The following ABLIM3 variants were observed in gnomAD, a reference collection of about 807,000 sequenced individuals.
ABLIM3 encodes actin-binding LIM protein 3.
Under a neutral mutation model 109.5 loss-of-function variants are expected in ABLIM3, and 61 were observed. The observed-to-expected ratio is 0.56, with a 90% CI of 0.45 to 0.69. The LOEUF (loss-of-function observed/expected upper bound fraction) is 0.69, where lower values mean the gene tolerates loss of function less well. Among genes scored for constraint, ABLIM3 ranks in the 30% least tolerant of loss-of-function variants. The pLI is 0.00. For missense variants in ABLIM3, 796 were observed against 889.5 expected, an observed-to-expected ratio of 0.89 and a Z score of 1.34; for synonymous variants, 300 against 324.8, an observed-to-expected ratio of 0.92 and a Z score of 0.82.
chr5:149,224,857 A>G (rs899526476), intron 8 of ABLIM3, among the ~76,000 whole-genome samples: 7 of 152,242 alleles, frequency 4.6e-5, no homozygotes, highest in African/African-American at 9.6e-5. Flanking sequence ...AGGCACAGAG[A>G]GGCAACTGAC....
rs992037476 is a variant in ABLIM3 at position 149,242,543 on chromosome 5, G to A, written c.1351+5G>A. 24 of 1,613,958 alleles carry A rather than the reference G, an allele frequency of 1.5e-5. No homozygotes were observed. In the African/African-American group the frequency reaches 2.8e-4, roughly 19 times the overall value. On this transcript the variant is annotated splice_donor_5th_base_variant and intron_variant, in intron 15 of 23. Coordinates refer to ENST00000309868, the MANE Select transcript of ABLIM3 (RefSeq NM_014945.5). Reference sequence around the variant, plus strand: ...CCCCGATCTACAAACGGCATGGTATGGTCAGAGGTAGATAGGGCTTGGCCA... The same window carrying A: ...CCCCGATCTACAAACGGCATGGTATAGTCAGAGGTAGATAGGGCTTGGCCA...
chr5:149,169,371 C>G (rs1355303358), intron 2 of ABLIM3, among the ~76,000 whole-genome samples: 1 of 152,068 alleles, frequency 6.6e-6, no homozygotes, highest in Non-Finnish European at 1.5e-5. Flanking sequence ...ATCATGGACT[C>G]CAGGGCTGCA....
rs909780038 is a variant in ABLIM3 at position 149,209,959 on chromosome 5, C to G, written c.576-767C>G. Among the ~76,000 whole-genome samples the G allele has an allele frequency of 5.6e-4, 82 of 147,090 alleles. 1 individual carries two copies. The highest frequency in any genetic ancestry group is 1.8e-3 in the African/African-American group (72 of 38,956). On this transcript the variant is annotated intron_variant, in intron 6 of 23. Transcript: ENST00000309868. ...TCTCTCAGTGTCTGAGCCAAGTTCT[C>G]TTACACCCAAAAGTGAAAGAAATGT...
chr5:149,206,857 C>G (rs1237269226), intron 5 of ABLIM3, 151 bp from the exon 6 acceptor site: 4 of 1,048,936 alleles, frequency 3.8e-6, no homozygotes, highest in African/African-American at 3.6e-5. Flanking sequence ...TTTCTCTCCC[C>G]TGGGAGAGCC....
At chr5:149,233,080 G>C in intron 9 of ABLIM3, 149 bp from the exon 10 acceptor site, 2 of 705,944 alleles carry the variant, frequency 2.8e-6, no homozygotes, top group Non-Finnish European at 2.4e-6. Context: ...ACCTTGACTT[G>C]AAAGACAGAG....
At chr5:149,166,569 T>C (rs1581025948) in intron 2 of ABLIM3, among the ~76,000 whole-genome samples, 1 of 152,326 alleles carries the variant, frequency 6.6e-6, no homozygotes, top group Non-Finnish European at 1.5e-5. Flanking sequence ...CTAGTGGTCT[T>C]TTTACCCCAC....
chr5:149,178,567 T>A (rs530418108), intron 2 of ABLIM3, among the ~76,000 whole-genome samples: 1 of 152,192 alleles, frequency 6.6e-6, no homozygotes, highest in Non-Finnish European at 1.5e-5. Flanking sequence ...TTAAAGACAC[T>A]CTATTAAAAT....
intron 2 of ABLIM3, among the ~76,000 whole-genome samples, chr5:149,150,231 A>G (rs1034139358): frequency 6.6e-6 from 1 of 152,136 alleles, no homozygotes; most frequent in African/African-American, 2.4e-5. Flanking sequence ...GGGCATGATG[A>G]CCTTCCTCTG....
rs1392658680 is a variant in ABLIM3, at chr5:149,259,741, C to G, written c.*1337C>G. 2 of 753,812 alleles carry G rather than the reference C, an allele frequency of 2.7e-6. No homozygotes were observed. The highest frequency in any genetic ancestry group is 3.5e-5 in the African/African-American group (2 of 57,210). 46.7% of individuals were successfully genotyped at this position (753,812 alleles called of 1,614,324 possible). On this transcript the variant is annotated 3_prime_UTR_variant, in exon 24 of 24. Coordinates refer to ENST00000309868, the MANE Select transcript of ABLIM3 (RefSeq NM_014945.5). ...TAATGTTTGGTGGGGGCTGTTCCTT[C>G]TTGGAGAAGCCTTGAGTCGGACCAT...
intron 8 of ABLIM3, among the ~76,000 whole-genome samples, chr5:149,225,222 A>ATGT (rs1361712036): frequency 7.0e-6 from 1 of 143,118 alleles, no homozygotes; most frequent in Non-Finnish European, 1.6e-5. Context: ...TGCATTCACA[A>ATGT]TGTTGTACAA....
At chr5:149,171,100 T>C (rs111402729) in intron 2 of ABLIM3, among the ~76,000 whole-genome samples, 118 of 152,290 alleles carry the variant, frequency 7.7e-4, no homozygotes, top group Middle Eastern at 3.4e-3. Context: ...TAGCTATTTG[T>C]GGGTATAATT....
chr5:149,172,855 A>C (rs1581042305), intron 2 of ABLIM3, among the ~76,000 whole-genome samples: 1 of 152,248 alleles, frequency 6.6e-6, no homozygotes, highest in East Asian at 1.9e-4. Flanking sequence ...AACCGAAAGG[A>C]AACAGAGATG....
intron 8 of ABLIM3, among the ~76,000 whole-genome samples, chr5:149,227,732 T>C (rs985729469): frequency 2.6e-5 from 4 of 152,220 alleles, no homozygotes; most frequent in African/African-American, 7.2e-5. Flanking sequence ...AATATGTTTG[T>C]AGACTCAGTC....
rs1304443138 is a variant in ABLIM3 at position 149,141,511 on chromosome 5, C to T, written c.-231C>T. ...CGGCCGCGCCCCCTGCGCTGCCAAC[C>T]CGCGAGCCCGCATCATGGATGTCGA... On this transcript the variant is annotated 5_prime_UTR_variant, in exon 1 of 24. Coordinates refer to ENST00000309868, the MANE Select transcript of ABLIM3 (RefSeq NM_014945.5). The T allele has an allele frequency of 1.3e-5, 2 of 152,848 alleles. No individual in the cohort carries two copies. The highest frequency in any genetic ancestry group is 2.1e-4 in the South Asian group (1 of 4,844). 9.5% of individuals were successfully genotyped at this position (152,848 alleles called of 1,614,324 possible).
chr5:149,174,403 C>T (rs963361274), intron 2 of ABLIM3: 2 of 152,218 alleles, frequency 1.3e-5, no homozygotes, highest in Non-Finnish European at 2.9e-5. Context: ...CGCAATACAT[C>T]AGTGCATGAT....
chr5:149,178,015 G>GCATC (rs770868346), intron 2 of ABLIM3, among the ~76,000 whole-genome samples: 77 of 152,260 alleles, frequency 5.1e-4, no homozygotes, highest in South Asian at 1.9e-3. Flanking sequence ...AGTGACTCCA[G>GCATC]CATCCATTCC....
intron 4 of ABLIM3, chr5:149,199,095 A>G (rs1366935522): frequency 6.6e-6 from 3 of 456,556 alleles, no homozygotes; most frequent in Admixed American, 4.7e-5. Context: ...TACCTTCCGC[A>G]TCACCATCAC....
At chr5:149,159,763 G>A (rs774188751) in intron 2 of ABLIM3, among the ~76,000 whole-genome samples, 20 of 152,086 alleles carry the variant, frequency 1.3e-4, no homozygotes, top group Admixed American at 5.2e-4. Flanking sequence ...ACCTTTAAGC[G>A]TCGTACAGCT....
intron 2 of ABLIM3, among the ~76,000 whole-genome samples, chr5:149,156,160 G>A (rs1397375277): frequency 6.6e-6 from 1 of 152,260 alleles, no homozygotes; most frequent in Non-Finnish European, 1.5e-5. Flanking sequence ...ACCTGGGACT[G>A]TGAAAACTGG....
Sources: gnomAD v4.1 joint callset for allele counts (sites outside exome capture counted in the v4.1 genomes callset) on GRCh38, gnomAD v4.1.1 for gene constraint, MANE v1.5 for transcripts, NCBI Gene and HGNC (gene_info 2026-07-23, HGNC 2026-07-21) for gene names.